Variants in NAV2 observed in about 807,000 individuals in gnomAD.
NAV2 encodes neuron navigator 2, also known as helicase, APC down-regulated 1.
NAV2 carries 54 observed loss-of-function variants against 223.2 expected under a neutral mutation model. That is an observed-to-expected ratio of 0.24 (90% confidence interval 0.19 to 0.30). The LOEUF (loss-of-function observed/expected upper bound fraction) is 0.30, where lower values mean the gene tolerates loss of function less well. Among genes scored for constraint, NAV2 ranks in the 10% least tolerant of loss-of-function variants. The pLI is 1.00. For missense variants in NAV2, 2,806 were observed against 3,147.5 expected, an observed-to-expected ratio of 0.89 and a Z score of 2.60; for synonymous variants, 1,279 against 1,239.3, an observed-to-expected ratio of 1.03 and a Z score of -0.67.
chr11:19,420,401 C>T (rs1850560746), intron 1 of NAV2, among the ~76,000 whole-genome samples: 1 of 152,170 alleles, frequency 6.6e-6, no homozygotes, highest in South Asian at 2.1e-4. Flanking sequence ...TGTCTGTATA[C>T]TATGACTGAG....
At chr11:19,952,740 T>TGTGTG (rs1565631451) in intron 10 of NAV2, among the ~76,000 whole-genome samples, 4,077 of 152,234 alleles carry the variant, frequency 0.027, 171 homozygotes, top group African/African-American at 0.093. Context: ...TTTTCTGTAC[T>TGTGTG]GGTGTGTGCA....
At chr11:19,900,119 G>A (rs762085887) in intron 6 of NAV2, among the ~76,000 whole-genome samples, 1 of 152,168 alleles carries the variant, frequency 6.6e-6, no homozygotes, top group Non-Finnish European at 1.5e-5. Flanking sequence ...CCAACCTAGA[G>A]GTGTGAACCA....
chr11:19,438,333 G>A (rs1851283074), intron 1 of NAV2, among the ~76,000 whole-genome samples: 2 of 152,206 alleles, frequency 1.3e-5, no homozygotes, highest in South Asian at 4.1e-4. Flanking sequence ...ACTGTGTGTG[G>A]CAAGACAGGG....
chr11:19,428,000 C>T (rs772798559), intron 1 of NAV2, among the ~76,000 whole-genome samples: 1 of 151,916 alleles, frequency 6.6e-6, no homozygotes, highest in Non-Finnish European at 1.5e-5. Context: ...TTTAATGTAG[C>T]CAAATCAATC....
chr11:19,980,597 G>A (rs2083101409), intron 10 of NAV2, among the ~76,000 whole-genome samples: 1 of 152,204 alleles, frequency 6.6e-6, no homozygotes, highest in Middle Eastern at 3.4e-3. Context: ...AACACTTCTG[G>A]GCAAAAGCCA....
At chr11:19,797,597 C>G (rs1011138779) in intron 1 of NAV2, among the ~76,000 whole-genome samples, 18 of 152,144 alleles carry the variant, frequency 1.2e-4, no homozygotes, top group Admixed American at 1.2e-3. Flanking sequence ...CTGGTCATGA[C>G]AGTGAGTGGG....
intron 7 of NAV2, among the ~76,000 whole-genome samples, chr11:19,937,568 A>T (rs564029788): frequency 2.0e-5 from 3 of 152,322 alleles, no homozygotes; most frequent in African/African-American, 7.2e-5. Context: ...TGCTATTATT[A>T]TCCCCATTGT....
chr11:19,581,639 G>C (rs1239510826), intron 1 of NAV2, among the ~76,000 whole-genome samples: 1 of 152,062 alleles, frequency 6.6e-6, no homozygotes, highest in Non-Finnish European at 1.5e-5. Flanking sequence ...CCTTGTGATA[G>C]TTTGCTGAGA....
intron 1 of NAV2, among the ~76,000 whole-genome samples, chr11:19,607,639 C>T (rs2046516991): frequency 6.6e-6 from 1 of 152,184 alleles, no homozygotes; most frequent in Non-Finnish European, 1.5e-5. Flanking sequence ...TTTTCCTTGT[C>T]AGTCTTGGAG....
At chr11:19,842,189 G>A (rs1255781938) in intron 2 of NAV2, among the ~76,000 whole-genome samples, 1 of 152,196 alleles carries the variant, frequency 6.6e-6, no homozygotes, top group Non-Finnish European at 1.5e-5. Flanking sequence ...ACCCAGGGAA[G>A]CTGGGCCAGT....
chr11:19,428,038 G>T (rs866820484), intron 1 of NAV2, among the ~76,000 whole-genome samples: 2 of 151,918 alleles, frequency 1.3e-5, no homozygotes, highest in Admixed American at 6.6e-5. Context: ...CGGATTCTGG[G>T]TCCAAATTAG....
chr11:19,822,502 A>T (rs903254815), intron 1 of NAV2, among the ~76,000 whole-genome samples: 3 of 152,210 alleles, frequency 2.0e-5, no homozygotes, highest in African/African-American at 7.2e-5. Flanking sequence ...AGGAGTAGGG[A>T]TAGTCCCAGG....
intron 1 of NAV2, among the ~76,000 whole-genome samples, chr11:19,830,942 T>G (rs930085446): frequency 6.6e-6 from 1 of 152,068 alleles, no homozygotes; most frequent in Non-Finnish European, 1.5e-5. Flanking sequence ...GGAAGGAGAC[T>G]AGCATGGATT....
Position 20,049,180 on chromosome 11 carries a change from C to G in NAV2, c.4355C>G (p.Thr1452Ser). ...TTTGTCAGAACTAACAGTGTGAAGA[C>G]CACACTGTCAGAAAGGTTGGTGCTG... The part of the protein sequence containing the change: ...TPFVRTNSVK[T>S]TLSESPLSSP... The change falls in exon 15 of 38, where the codon ACC becomes AGC. Residue 1452 changes from threonine (T) to serine (S), a missense_variant. This residue lies in a region of NAV2 where 742 missense variants were observed against 777.9 expected (regional missense o/e 0.95). Coordinates refer to ENST00000349880, the MANE Select transcript of NAV2 (RefSeq NM_145117.5). The G allele has an allele frequency of 1.3e-6, 2 of 1,595,314 alleles. No homozygotes were observed. Among genetic ancestry groups the G allele is most frequent in the Non-Finnish European group, 1.7e-6 (2 of 1,168,750 alleles).
intron 1 of NAV2, among the ~76,000 whole-genome samples, chr11:19,794,182 A>C (rs887214857): frequency 6.6e-6 from 1 of 152,168 alleles, no homozygotes; most frequent in Non-Finnish European, 1.5e-5. Context: ...AAATGAATGA[A>C]TGACAAATGA....
At chr11:19,816,417 A>C (rs10833180) in intron 1 of NAV2, among the ~76,000 whole-genome samples, 129,087 of 152,298 alleles carry the variant, frequency 0.85, 57,811 homozygotes, top group East Asian at 0.99. Flanking sequence ...GCCATTTATG[A>C]GAATGTCAGA....
chr11:19,521,303 G>A (rs1314302395), intron 1 of NAV2, among the ~76,000 whole-genome samples: 3 of 152,172 alleles, frequency 2.0e-5, no homozygotes, highest in Non-Finnish European at 2.9e-5. Flanking sequence ...CTTCCTCTTG[G>A]AGACCATGGA....
chr11:19,842,915 T>C lies in NAV2; in HGVS notation c.430T>C (p.Ser144Pro). ...CATCAATGGCTGTCCGAAGAACAGA[T>C]CCCAAATGGTAAGTGGTGCATAGGT... ...EDINGCPKNRSQMIENIDACL... is the reference protein window; with the variant it reads ...EDINGCPKNRPQMIENIDACL... Residue 144 changes from serine to proline, a missense_variant, in exon 3 of 38, where the codon TCC (serine) becomes CCC (proline). This residue lies in a region of NAV2 where 1,167 missense variants were observed against 1,180.5 expected (regional missense o/e 0.99). Coordinates refer to ENST00000349880, the MANE Select transcript of NAV2 (RefSeq NM_145117.5). 2 of 1,613,970 alleles carry C rather than the reference T, an allele frequency of 1.2e-6. No homozygotes were observed. The highest frequency in any genetic ancestry group is 1.7e-6 in the Non-Finnish European group (2 of 1,179,866).
Position 20,062,372 on chromosome 11 carries a change from C to T in NAV2, c.4884+13C>T. 1 of 1,601,804 alleles carries T rather than the reference C, an allele frequency of 6.2e-7. No homozygotes were observed. Among genetic ancestry groups the T allele is most frequent in the Non-Finnish European group, 8.5e-7 (1 of 1,171,734 alleles). On this transcript the variant is annotated intron_variant, in intron 20 of 37. Transcript: ENST00000349880. Reference sequence around the variant, plus strand: ...AGTTTATTCTACAGTGAGTATAAATCAATGCTGTGTGGCTGTGATCATGAG... The same window carrying T: ...AGTTTATTCTACAGTGAGTATAAATTAATGCTGTGTGGCTGTGATCATGAG...
Sources: gnomAD v4.1 joint callset for allele counts (sites outside exome capture counted in the v4.1 genomes callset) on GRCh38, gnomAD v4.1.1 for gene constraint, gnomAD v4.1.1 regional missense constraint, MANE v1.5 for transcripts, NCBI Gene and HGNC (gene_info 2026-07-23, HGNC 2026-07-21) for gene names.